Variants in TMEM117 observed in about 807,000 individuals in gnomAD.
TMEM117 encodes transmembrane protein 117.
Under a neutral mutation model 52.4 loss-of-function variants are expected in TMEM117, and 27 were observed. That is an observed-to-expected ratio of 0.51 (90% CI 0.38 to 0.71). The LOEUF (loss-of-function observed/expected upper bound fraction) is 0.71, where lower values mean the gene tolerates loss of function less well. Ranked by LOEUF, TMEM117 falls within the 30% of genes least tolerant of loss-of-function variation. TMEM117 has a pLI of 0.00. For missense variants in TMEM117, 556 were observed against 630.5 expected (o/e 0.88, Z 1.26); for synonymous variants, 215 against 206.3 (o/e 1.04, Z -0.36).
intron 5 of TMEM117, among the ~76,000 whole-genome samples, chr12:44,216,153 A>T (rs1949715661): frequency 2.0e-5 from 3 of 151,676 alleles, no homozygotes; most frequent in Admixed American, 2.0e-4. Context: ...GATTACAGGC[A>T]TGCACCACCA....
intron 5 of TMEM117, among the ~76,000 whole-genome samples, chr12:44,227,925 T>C (rs1949883980): frequency 6.6e-6 from 1 of 152,106 alleles, no homozygotes; most frequent in African/African-American, 2.4e-5. Context: ...GAGCATCTTA[T>C]GCCTTTCCAG....
At chr12:44,182,243 G>A (rs560424837) in intron 4 of TMEM117, among the ~76,000 whole-genome samples, 27 of 152,280 alleles carry the variant, frequency 1.8e-4, no homozygotes, top group African/African-American at 6.3e-4. Context: ...ATCAGCTTAT[G>A]GAGATTTTGG....
chr12:43,964,079 T>G (rs921866327), intron 3 of TMEM117, among the ~76,000 whole-genome samples: 1 of 152,176 alleles, frequency 6.6e-6, no homozygotes, highest in Non-Finnish European at 1.5e-5. Flanking sequence ...TCACTACATT[T>G]TCATTGTGAG....
chr12:44,355,979 G>A (rs1951642295), intron 6 of TMEM117, among the ~76,000 whole-genome samples: 1 of 151,936 alleles, frequency 6.6e-6, no homozygotes, highest in Non-Finnish European at 1.5e-5. Flanking sequence ...CAGGTTCATG[G>A]ACATTGTCTT....
At chr12:43,849,878 T>C (rs1943276179) in intron 2 of TMEM117, among the ~76,000 whole-genome samples, 1 of 152,234 alleles carries the variant, frequency 6.6e-6, no homozygotes, top group African/African-American at 2.4e-5. Flanking sequence ...TCTTCTTCTG[T>C]CTCTGCTCAT....
chr12:44,388,441 T>C lies in TMEM117; in HGVS notation c.1314T>C (p.Ser438=). The change falls in exon 8 of 8, where the codon TCT becomes TCC. Residue 438 remains serine (S), a synonymous_variant. Transcript: ENST00000266534. ...CTTACACTCGCATGAAAAGAAAATC[T>C]CCATCAGAACATAGCAAAGACATGG... ...DKTYTRMKRK[S]PSEHSKDMGI... 6.2e-7 allele frequency: 1 copy of C among 1,613,334 alleles called. No individual in the cohort carries two copies. Among genetic ancestry groups the C allele is most frequent in the South Asian group, 1.1e-5 (1 of 91,058 alleles).
At chr12:44,374,868 A>G (rs923711422) in intron 6 of TMEM117, among the ~76,000 whole-genome samples, 1 of 152,154 alleles carries the variant, frequency 6.6e-6, no homozygotes, top group Admixed American at 6.6e-5. Flanking sequence ...AAACCCAGAA[A>G]TAAAAAGAGA....
At chr12:44,179,068 C>G (rs1050069420) in intron 4 of TMEM117, among the ~76,000 whole-genome samples, 2 of 152,046 alleles carry the variant, frequency 1.3e-5, no homozygotes, top group African/African-American at 4.8e-5. Flanking sequence ...GTGGTGGGTG[C>G]CTGTAATCCC....
At chr12:44,111,832 G>T (rs1313649084) in intron 3 of TMEM117, among the ~76,000 whole-genome samples, 12 of 131,598 alleles carry the variant, frequency 9.1e-5, no homozygotes, top group Non-Finnish European at 1.2e-4. Flanking sequence ...TTATTAATGT[G>T]TGGGAGTCTA....
intron 3 of TMEM117, among the ~76,000 whole-genome samples, chr12:43,951,790 A>G (rs1373321364): frequency 6.6e-6 from 1 of 152,150 alleles, no homozygotes; most frequent in Non-Finnish European, 1.5e-5. Flanking sequence ...CAGCTCTGCT[A>G]AGGGACAGAC....
chr12:44,039,975 A>G (rs1946772335), intron 3 of TMEM117, among the ~76,000 whole-genome samples: 1 of 152,156 alleles, frequency 6.6e-6, no homozygotes, highest in Non-Finnish European at 1.5e-5. Context: ...ATCTTGTGAT[A>G]GATTTGTTCT....
intron 5 of TMEM117, among the ~76,000 whole-genome samples, chr12:44,290,420 T>G (rs1262348970): frequency 1.3e-5 from 2 of 152,194 alleles, no homozygotes; most frequent in Admixed American, 1.3e-4. Flanking sequence ...GTCTAATTTC[T>G]TTCTTTTGTA....
At chr12:44,151,269 A>G (rs1332515984) in intron 4 of TMEM117, among the ~76,000 whole-genome samples, 2 of 150,024 alleles carry the variant, frequency 1.3e-5, no homozygotes, top group Admixed American at 6.6e-5. Context: ...TACTTCCTCT[A>G]GTTGGGTACC....
At chr12:44,107,915 C>A (rs1263396111) in intron 3 of TMEM117, among the ~76,000 whole-genome samples, 1 of 152,146 alleles carries the variant, frequency 6.6e-6, no homozygotes. Context: ...CTGCACTGAA[C>A]CAATTGAATA....
intron 3 of TMEM117, among the ~76,000 whole-genome samples, chr12:44,084,832 C>T (rs1341757445): frequency 6.6e-6 from 1 of 152,184 alleles, no homozygotes; most frequent in Non-Finnish European, 1.5e-5. Context: ...CCTACTGGTA[C>T]CATCAGACCA....
At chr12:43,948,934 C>G (rs1945177130) in intron 3 of TMEM117, among the ~76,000 whole-genome samples, 1 of 152,108 alleles carries the variant, frequency 6.6e-6, no homozygotes, top group Admixed American at 6.5e-5. Flanking sequence ...GACTTAGGCA[C>G]TTGAATTTTA....
chr12:43,890,026 A>G (rs1944073979), intron 2 of TMEM117, among the ~76,000 whole-genome samples: 1 of 152,140 alleles, frequency 6.6e-6, no homozygotes, highest in Non-Finnish European at 1.5e-5. Flanking sequence ...GCTTTTATAC[A>G]GTTGAGAGTT....
At chr12:44,093,589 A>G (rs1398129120) in intron 3 of TMEM117, among the ~76,000 whole-genome samples, 4 of 152,144 alleles carry the variant, frequency 2.6e-5, no homozygotes, top group African/African-American at 4.8e-5. Flanking sequence ...TGATTTCTCA[A>G]TCCAACCATG....
intron 4 of TMEM117, among the ~76,000 whole-genome samples, chr12:44,178,728 A>G (rs1949149465): frequency 7.6e-6 from 1 of 131,892 alleles, no homozygotes; most frequent in Admixed American, 6.8e-5. Context: ...TGTCTACATT[A>G]TGGGTTTTTT....
Sources: allele counts gnomAD v4.1 joint callset (sites outside exome capture counted in the v4.1 genomes callset), GRCh38; gene constraint gnomAD v4.1.1; transcripts MANE v1.5; gene names NCBI Gene and HGNC (gene_info 2026-07-23, HGNC 2026-07-21).